The following ZNF527 variants were observed in gnomAD, a reference collection of about 807,000 sequenced individuals.
The protein encoded by ZNF527 is zinc finger protein 527.
ZNF527 carries 5 observed loss-of-function variants against 13.5 expected under a neutral mutation model. The observed-to-expected ratio is 0.37, with a 90% CI of 0.19 to 0.78. ZNF527 has a LOEUF of 0.78. ZNF527 is among the 30% of genes least tolerant of loss of function. ZNF527 has a pLI of 0.48. For synonymous variants in ZNF527, 209 were observed against 243.1 expected (o/e 0.86, Z 1.30); for missense variants, 628 against 726.4 (o/e 0.86, Z 1.56).
chr19:37,386,525 G>A (rs1164394169), intron 4 of ZNF527, among the ~76,000 whole-genome samples: 1 of 152,170 alleles, frequency 6.6e-6, no homozygotes, highest in African/African-American at 2.4e-5. Context: ...TTAGCTTTGA[G>A]TGCATAAAAT....
chr19:37,378,474 A>C (rs966759417), intron 2 of ZNF527, among the ~76,000 whole-genome samples: 2 of 152,188 alleles, frequency 1.3e-5, no homozygotes, highest in African/African-American at 4.8e-5. Context: ...ATATTTACTG[A>C]GAGTTTACAA....
intron 4 of ZNF527, 113 bp downstream of exon 4, chr19:37,380,485 G>A (rs2040645358): frequency 3.7e-6 from 3 of 804,684 alleles, no homozygotes; most frequent in Non-Finnish European, 5.8e-6. Context: ...TCCATAGTAT[G>A]TGCTTCCCTA....
intron 2 of ZNF527, among the ~76,000 whole-genome samples, chr19:37,375,347 T>A (rs573482269): frequency 4.1e-4 from 56 of 138,012 alleles, no homozygotes; most frequent in African/African-American, 1.2e-3. Context: ...TTCCTTTCTT[T>A]CCTTTCTTTC....
chr19:37,389,765 C>G lies in ZNF527; in HGVS notation c.1716C>G (p.His572Gln). 1 of 1,613,676 alleles carries G rather than the reference C, an allele frequency of 6.2e-7. No homozygotes were observed. The highest frequency in any genetic ancestry group is 8.5e-7 in the Non-Finnish European group (1 of 1,180,002). ...AFHQILSLRLHQRIHAGEKPY... is the reference protein window; with the variant it reads ...AFHQILSLRLQQRIHAGEKPY... The stretch of plus-strand genomic sequence containing the variant: ...ATCAGATCTTGTCCCTAAGACTACA[C>G]CAGAGAATTCACGCTGGAGAAAAAC... The change falls in exon 5 of 5, where the codon CAC (histidine) becomes CAG (glutamine). Residue 572 changes from histidine (H) to glutamine (Q), a missense_variant. Transcript: ENST00000436120.
chr19:37,387,560 G>A (rs938992369), intron 4 of ZNF527, among the ~76,000 whole-genome samples: 7 of 152,152 alleles, frequency 4.6e-5, no homozygotes, highest in Admixed American at 3.9e-4. Context: ...TTATTGTGGT[G>A]TGAAAGGACT....
At position 37,388,665 on chromosome 19, in the gene ZNF527, A is replaced by T. The variant is rs1446910495; in HGVS notation, c.616A>T (p.Ile206Leu). The change falls in exon 5 of 5, where the codon ATA becomes TTA. Residue 206 changes from isoleucine to leucine, a missense_variant. By Grantham distance (5) the Ile-to-Leu change is conservative. This residue lies in a region of ZNF527 where 592 missense variants were observed against 678.0 expected (regional missense o/e 0.87). Transcript: ENST00000436120. ...YDKLFPQNSVIIEYKRLHAEK... is the reference protein window; with the variant it reads ...YDKLFPQNSVLIEYKRLHAEK... ...TAAACTCTTCCCCCAAAATTCAGTC[A>T]TAATTGAATATAAAAGACTCCATGC... 6.2e-7 allele frequency: 1 copy of T among 1,612,292 alleles called. No individual in the cohort carries two copies. Among genetic ancestry groups the T allele is most frequent in the African/African-American group, 1.3e-5 (1 of 74,850 alleles).
In ZNF527 at chr19:37,374,327, C is replaced by T. The variant is rs192867217; in HGVS notation, c.33+96C>T. 7.8e-5 allele frequency: 83 copies of T among 1,070,316 alleles called. No homozygotes were observed. The East Asian group carries it at 1.8e-3, about 23-fold the overall frequency. 66.3% of individuals were successfully genotyped at this position (1,070,316 alleles called of 1,614,324 possible). A position where few individuals can be genotyped will look rare whatever the true frequency, so the allele number is the denominator to read the frequency against. ...AATCACAAATAGCCCAATGAGCACC[C>T]CTTCCACTTCTCTCTCCACCTTTTG... On this transcript the variant is annotated intron_variant, in intron 2 of 4. Coordinates refer to ENST00000436120, the MANE Select transcript of ZNF527 (RefSeq NM_032453.2).
chr19:37,384,872 T>C (rs1187196453), intron 4 of ZNF527: 1 of 694,368 alleles, frequency 1.4e-6, no homozygotes, highest in African/African-American at 1.8e-5. Flanking sequence ...AGACAGGTTC[T>C]CACTCTGTTG....
At chr19:37,371,650 A>G (rs2040557736) in intron 1 of ZNF527, among the ~76,000 whole-genome samples, 1 of 152,182 alleles carries the variant, frequency 6.6e-6, no homozygotes, top group Non-Finnish European at 1.5e-5. Context: ...TTGTGCGACT[A>G]TGACCATCTG....
rs969759284 is a variant in ZNF527, at chr19:37,391,095, C to G, written c.*1216C>G. ...AAAATCATTTGTCACAGTGACTCACCATTTGCCTGTAAAGAGAGAATGGAA... is the reference window on the plus strand; with the variant it reads ...AAAATCATTTGTCACAGTGACTCACGATTTGCCTGTAAAGAGAGAATGGAA... On this transcript the variant is annotated 3_prime_UTR_variant, in exon 5 of 5. Transcript: ENST00000436120. The G allele has an allele frequency of 2.0e-5, 3 of 152,106 alleles. No homozygotes were observed. Among genetic ancestry groups the G allele is most frequent in the African/African-American group, 7.2e-5 (3 of 41,400 alleles). The allele number at this position is 152,106 out of a possible 1,614,324, so 9.4% of individuals were successfully genotyped here.
rs1452590744 is a variant in ZNF527, at chr19:37,391,637, A to G, written c.*1758A>G. ...TAAATTTGGTTTAAGAAGTGTATGGATAACTTCTTTGCAGCTAGAGATATC... is the reference window on the plus strand; with the variant it reads ...TAAATTTGGTTTAAGAAGTGTATGGGTAACTTCTTTGCAGCTAGAGATATC... On this transcript the variant is annotated 3_prime_UTR_variant, in exon 5 of 5. Coordinates refer to ENST00000436120, the MANE Select transcript of ZNF527 (RefSeq NM_032453.2). 1.3e-5 allele frequency: 2 copies of G among 152,070 alleles called. No individual in the cohort carries two copies. The highest frequency in any genetic ancestry group is 2.9e-5 in the Non-Finnish European group (2 of 68,014). 9.4% of individuals were successfully genotyped at this position (152,070 alleles called of 1,614,324 possible). A position where few individuals can be genotyped will look rare whatever the true frequency, so the allele number is the denominator to read the frequency against.
chr19:37,384,277 C>T (rs1303387853), intron 4 of ZNF527, among the ~76,000 whole-genome samples: 2 of 152,056 alleles, frequency 1.3e-5, no homozygotes, highest in Non-Finnish European at 2.9e-5. Flanking sequence ...GGGATCGCGC[C>T]ACGGCACTTC....
At chr19:37,380,615 A>G (rs1442778454) in intron 4 of ZNF527, among the ~76,000 whole-genome samples, 1 of 152,030 alleles carries the variant, frequency 6.6e-6, no homozygotes, top group Non-Finnish European at 1.5e-5. Context: ...TTATGGTTAG[A>G]ATTGTATTAC....
rs33996770 is a variant in ZNF527, at chr19:37,390,034, CTTT to C, written c.*165_*167del. On this transcript the variant is annotated 3_prime_UTR_variant, in exon 5 of 5. Transcript: ENST00000436120. Reference sequence around the variant, plus strand: ...GTAGCTCAGTAGTAGACATCTGTTACTTTTTTTTTTTTCAGACAGAGTCTCGCT... The same window carrying C: ...GTAGCTCAGTAGTAGACATCTGTTACTTTTTTTTTCAGACAGAGTCTCGCT... 1.6e-5 allele frequency: 12 copies of C among 752,942 alleles called. No homozygotes were observed. The highest frequency in any genetic ancestry group is 1.9e-5 in the Non-Finnish European group (10 of 523,150). The allele number at this position is 752,942 out of a possible 1,614,324, so 46.6% of individuals were successfully genotyped here.
chr19:37,387,999 A>G (rs1269657736), intron 4 of ZNF527, among the ~76,000 whole-genome samples: 1 of 152,202 alleles, frequency 6.6e-6, no homozygotes, highest in African/African-American at 2.4e-5. Context: ...TGATCTAATC[A>G]GACATCCTCA....
At position 37,388,616 on chromosome 19, in the gene ZNF527, A is replaced by C. The variant is rs1324649417; in HGVS notation, c.567A>C (p.Gln189His). 1 of 1,614,056 alleles carries C rather than the reference A, an allele frequency of 6.2e-7. No individual in the cohort carries two copies. Among genetic ancestry groups the C allele is most frequent in the Non-Finnish European group, 8.5e-7 (1 of 1,179,934 alleles). The change falls in exon 5 of 5, where the codon CAA becomes CAC. Residue 189 changes from glutamine to histidine, a missense_variant. Gln to His is a conservative substitution (Grantham distance 24). Transcript: ENST00000436120. ...AACAGAAAGTTCCTACCATACAGCA[A>C]GTACATAAATTTGATATTTATGATA... ...LTQQKVPTIQ[Q>H]VHKFDIYDKL...
intron 1 of ZNF527, among the ~76,000 whole-genome samples, chr19:37,373,955 G>C (rs2040579108): frequency 6.6e-6 from 1 of 152,194 alleles, no homozygotes; most frequent in Non-Finnish European, 1.5e-5. Flanking sequence ...GTTGAGTTCA[G>C]GCTATGCGTC....
At chr19:37,383,108 T>C (rs960948393) in intron 4 of ZNF527, among the ~76,000 whole-genome samples, 2 of 152,208 alleles carry the variant, frequency 1.3e-5, no homozygotes, top group African/African-American at 4.8e-5. Flanking sequence ...TTTAGTGGCT[T>C]AATCCAACAC....
Position 37,390,260 on chromosome 19 carries a change from T to C in ZNF527, c.*381T>C. 1 of 174,772 alleles carries C rather than the reference T, an allele frequency of 5.7e-6. No individual in the cohort carries two copies. The highest frequency in any genetic ancestry group is 1.2e-5 in the Non-Finnish European group (1 of 81,644). The allele number at this position is 174,772 out of a possible 1,614,324, so 10.8% of individuals were successfully genotyped here. ...GTCAGGCTGATCTCGAACTCCTGAC[T>C]TTAGGTGATCCACACGCCTCAGACT... On this transcript the variant is annotated 3_prime_UTR_variant, in exon 5 of 5. Transcript: ENST00000436120.
Sources: gnomAD v4.1 joint callset for allele counts (sites outside exome capture counted in the v4.1 genomes callset) on GRCh38, gnomAD v4.1.1 for gene constraint, gnomAD v4.1.1 regional missense constraint, MANE v1.5 for transcripts, NCBI Gene and HGNC (gene_info 2026-07-23, HGNC 2026-07-21) for gene names.